The following FGF13 variants were observed in gnomAD, a reference collection of about 807,000 sequenced individuals.
FGF13 encodes fibroblast growth factor 13.
A neutral mutation model predicts 19.5 loss-of-function variants in FGF13; 2 were observed. The ratio of observed to expected loss-of-function variants is 0.10; its 90% CI spans 0.04 to 0.32. The LOEUF (loss-of-function observed/expected upper bound fraction) is 0.32. Among genes scored for constraint, FGF13 ranks in the 10% least tolerant of loss-of-function variants. The pLI is 1.00. For missense variants in FGF13, 113 were observed against 192.7 expected (o/e 0.59, Z 2.45); for synonymous variants, 72 against 76.9 (o/e 0.94, Z 0.33).
intron 1 of FGF13, among the ~76,000 whole-genome samples, chrX:139,099,390 A>AAAAAAAAG (rs1414761294): frequency 3.7e-5 from 4 of 108,489 alleles, no homozygotes; most frequent in African/African-American, 1.3e-4. Flanking sequence ...AAAAAAAAAA[A>AAAAAAAAG]AAAAAAAAGA....
chrX:138,646,757 C>T (rs2089311067), intron 3 of FGF13, among the ~76,000 whole-genome samples: 1 of 111,310 alleles, frequency 9.0e-6, no homozygotes. Context: ...CAGGTACAGA[C>T]GCAGGTAACA....
intron 1 of FGF13, among the ~76,000 whole-genome samples, chrX:138,955,213 C>T (rs928115180): frequency 3.5e-5 from 4 of 113,067 alleles, no homozygotes; most frequent in Non-Finnish European, 7.5e-5. Flanking sequence ...CTCTTCATTG[C>T]CTAGTGGGGA....
rs1053106649 is a variant in FGF13 at position 138,863,732 on chromosome X, G to T, written c.-39+845C>A. 2.7e-5 allele frequency among the ~76,000 whole-genome samples: 3 copies of T among 111,604 alleles called. No individual in the cohort carries two copies. In the Admixed American group the frequency reaches 2.9e-4, roughly 11 times the overall value. On this transcript the variant is annotated intron_variant, in intron 2 of 2. Coordinates refer to the FGF13 transcript ENST00000421460. The stretch of plus-strand genomic sequence containing the variant: ...GGCACCTAGTAGGCACAAAGTAAAT[G>T]GTATCTGCAATGGAGGAAACACTGT...
At chrX:139,159,422 A>T (rs921537808) in intron 1 of FGF13, among the ~76,000 whole-genome samples, 3 of 111,446 alleles carry the variant, frequency 2.7e-5, no homozygotes, top group African/African-American at 9.8e-5. Flanking sequence ...AGCATCAACA[A>T]ATGGGCAAAA....
chrX:138,724,656 AT>A (rs1260563368), intron 1 of FGF13, among the ~76,000 whole-genome samples: 1 of 112,079 alleles, frequency 8.9e-6, no homozygotes, highest in Non-Finnish European at 1.9e-5. Context: ...CAGTGGTCTT[AT>A]CTTTAGGACA....
intron 1 of FGF13, among the ~76,000 whole-genome samples, chrX:138,997,913 A>C (rs1347596868): frequency 2.7e-5 from 3 of 111,563 alleles, no homozygotes; most frequent in Non-Finnish European, 5.6e-5. Flanking sequence ...ATGAAGGAAA[A>C]AATGTTAAGG....
chrX:138,933,048 T>C (rs2091712533), intron 1 of FGF13, among the ~76,000 whole-genome samples: 1 of 111,603 alleles, frequency 9.0e-6, no homozygotes, highest in Admixed American at 9.5e-5. Flanking sequence ...GGTCACCGGC[T>C]TTCTTTACAC....
At chrX:139,193,053 C>T (rs2084344532) in intron 1 of FGF13, among the ~76,000 whole-genome samples, 1 of 111,167 alleles carries the variant, frequency 9.0e-6, no homozygotes. Flanking sequence ...AATTAATTTA[C>T]ACATGCATTA....
intron 2 of FGF13, among the ~76,000 whole-genome samples, chrX:138,703,906 G>A (rs1435817314): frequency 1.8e-5 from 2 of 111,006 alleles, no homozygotes; most frequent in African/African-American, 3.3e-5. Context: ...TAGAGACGGG[G>A]TTTCTCCATG....
chrX:138,664,163 CTGG>C (rs761669532), intron 3 of FGF13, among the ~76,000 whole-genome samples: 5 of 111,610 alleles, frequency 4.5e-5, no homozygotes, highest in Non-Finnish European at 7.5e-5. Flanking sequence ...AATCTTCCAG[CTGG>C]TGAATTCCCC....
At position 139,165,912 on chromosome X, in the gene FGF13, A is replaced by G. The variant is rs1159572377; in HGVS notation, c.-113+37504T>C. On this transcript the variant is annotated intron_variant, in intron 1 of 2. Coordinates refer to the FGF13 transcript ENST00000421460. ...CATTTGGAATGGGTGTATTTACCCA[A>G]TGCCTGTACCTCCATTGTATCTAGG... 3.6e-5 allele frequency among the ~76,000 whole-genome samples: 4 copies of G among 111,894 alleles called. No individual in the cohort carries two copies. The East Asian group carries it at 1.1e-3, about 32-fold the overall frequency.
At chrX:138,793,857 C>T (rs1041528638) in intron 3 of FGF13, among the ~76,000 whole-genome samples, 1 of 112,013 alleles carries the variant, frequency 8.9e-6, no homozygotes, top group Non-Finnish European at 1.9e-5. Flanking sequence ...CATTGAGATG[C>T]TGTCAGGATT....
At chrX:138,839,675 T>G (rs2091136401) in intron 3 of FGF13, among the ~76,000 whole-genome samples, 1 of 112,071 alleles carries the variant, frequency 8.9e-6, no homozygotes, top group African/African-American at 3.2e-5. Flanking sequence ...GATTTACCAA[T>G]GCAGTGTTTT....
At chrX:138,827,267 A>G (rs1429699692) in intron 3 of FGF13, among the ~76,000 whole-genome samples, 1 of 112,122 alleles carries the variant, frequency 8.9e-6, no homozygotes, top group Admixed American at 9.5e-5. Context: ...TGAAGTAGAA[A>G]GAGAGTGAAA....
At chrX:139,061,453 C>G (rs753228093) in intron 1 of FGF13, among the ~76,000 whole-genome samples, 1 of 111,295 alleles carries the variant, frequency 9.0e-6, no homozygotes, top group Non-Finnish European at 1.9e-5. Context: ...AGCGAGGTCA[C>G]TCCTCATGTT....
chrX:138,657,277 G>A (rs1350199868), intron 3 of FGF13, among the ~76,000 whole-genome samples: 2 of 111,679 alleles, frequency 1.8e-5, no homozygotes, highest in African/African-American at 3.2e-5. Flanking sequence ...GATCCTCCGG[G>A]GTCCCATTTG....
chrX:138,972,850 C>G (rs1603085844), intron 1 of FGF13, among the ~76,000 whole-genome samples: 1 of 110,773 alleles, frequency 9.0e-6, no homozygotes, highest in East Asian at 2.8e-4. Flanking sequence ...CTTTTTAAAT[C>G]AAGTTTTATT....
At chrX:138,875,460 A>G (rs1330728753) in intron 1 of FGF13, among the ~76,000 whole-genome samples, 3 of 111,616 alleles carry the variant, frequency 2.7e-5, no homozygotes, top group Non-Finnish European at 3.8e-5. Context: ...TAACTGAATT[A>G]GTGTCACTTG....
At chrX:138,731,203 GTCAA>G (rs1474246541) in intron 1 of FGF13, among the ~76,000 whole-genome samples, 5 of 111,148 alleles carry the variant, frequency 4.5e-5, no homozygotes, top group African/African-American at 1.3e-4. Context: ...GTACAACACT[GTCAA>G]TCAATTTGAC....
Sources: gnomAD v4.1 joint callset for allele counts (sites outside exome capture counted in the v4.1 genomes callset) on GRCh38, gnomAD v4.1.1 for gene constraint, MANE v1.5 for transcripts, NCBI Gene and HGNC (gene_info 2026-07-23, HGNC 2026-07-21) for gene names.